The following SVIP variants were observed in gnomAD, a reference collection of about 807,000 sequenced individuals.
SVIP encodes the protein small VCP interacting protein.
SVIP carries 14 observed loss-of-function variants against 12.9 expected under a neutral mutation model. The observed-to-expected ratio is 1.08, with a 90% confidence interval of 0.72 to 1.70. The LOEUF (loss-of-function observed/expected upper bound fraction) is 1.70, where lower values mean the gene tolerates loss of function less well. Among genes scored for constraint, SVIP ranks in the 40% most tolerant of loss-of-function variants. The pLI, the probability that SVIP is intolerant of heterozygous loss-of-function variation, is 0.00. For synonymous variants in SVIP, 35 were observed against 33.3 expected, an observed-to-expected ratio of 1.05 and a Z score of -0.17; for missense variants, 93 against 90.8, an observed-to-expected ratio of 1.02 and a Z score of -0.10.
At chr11:22,826,354 A>ATGTGTGTGTG (rs368709146) in intron 3 of SVIP, among the ~76,000 whole-genome samples, 1 of 145,240 alleles carries the variant, frequency 6.9e-6, no homozygotes, top group Admixed American at 7.2e-5. Context: ...ATGTATGTGC[A>ATGTGTGTGTG]TGTGTGTGTG....
At chr11:22,827,993 G>T in intron 1 of SVIP, 119 bp from the exon 2 acceptor site, 1 of 671,098 alleles carries the variant, frequency 1.5e-6, no homozygotes, top group Non-Finnish European at 2.2e-6. Flanking sequence ...GGCCCTAAAT[G>T]TCCCACAAAG....
At chr11:22,825,326 T>A (rs1186493722) in intron 3 of SVIP, among the ~76,000 whole-genome samples, 2 of 152,088 alleles carry the variant, frequency 1.3e-5, no homozygotes, top group Non-Finnish European at 2.9e-5. Flanking sequence ...CCTTCCAGAA[T>A]TTTTTCACTT....
intron 3 of SVIP, among the ~76,000 whole-genome samples, chr11:22,826,917 A>G (rs1404174581): frequency 6.6e-6 from 1 of 152,132 alleles, no homozygotes; most frequent in African/African-American, 2.4e-5. Context: ...ATACTTCTCC[A>G]TATTGCTTGA....
rs552309665 is a variant in SVIP at position 22,819,482 on chromosome 11, C to G, written c.*3637G>C. 1 of 152,256 alleles carries G rather than the reference C, an allele frequency of 6.6e-6. No individual in the cohort carries two copies. Among genetic ancestry groups the G allele is most frequent in the East Asian group, 1.9e-4 (1 of 5,176 alleles). 9.4% of individuals were successfully genotyped at this position (152,256 alleles called of 1,614,324 possible). ...CACAAATTTGGTATTATAAATATAG[C>G]CAATGCAGGCCGGGCGCGGTGGCTC... On this transcript the variant is annotated 3_prime_UTR_variant, in exon 4 of 4. Coordinates refer to ENST00000354193, the MANE Select transcript of SVIP (RefSeq NM_148893.3).
chr11:22,822,815 C>A lies in SVIP; in HGVS notation c.*304G>T. 7.3e-6 allele frequency: 2 copies of A among 272,612 alleles called. No individual in the cohort carries two copies. The highest frequency in any genetic ancestry group is 1.4e-5 in the Non-Finnish European group (2 of 144,968). 16.9% of individuals were successfully genotyped at this position (272,612 alleles called of 1,614,324 possible). ...CGAATTTTAATCTTAGAGGTATATG[C>A]AGAATGTTTACATGCAGTGTATGTA... On this transcript the variant is annotated 3_prime_UTR_variant, in exon 4 of 4. Coordinates refer to ENST00000354193, the MANE Select transcript of SVIP (RefSeq NM_148893.3).
intron 3 of SVIP, among the ~76,000 whole-genome samples, chr11:22,826,781 C>T (rs1224391258): frequency 1.3e-5 from 2 of 151,938 alleles, no homozygotes; most frequent in Admixed American, 6.6e-5. Context: ...CAAATCAATG[C>T]GTAAAAGAGC....
At chr11:22,828,046 T>C (rs182001452) in intron 1 of SVIP, among the ~76,000 whole-genome samples, 172 bp from the exon 2 acceptor site, 2 of 152,320 alleles carry the variant, frequency 1.3e-5, no homozygotes, top group Admixed American at 6.5e-5. Flanking sequence ...TCCTAATCAA[T>C]ATGCCTTCAA....
Position 22,823,640 on chromosome 11 carries a change from A to G in SVIP, c.220-507T>C, listed in dbSNP as rs537297342. ...TCAACCCCAGGCAGTTTTCCTTGGG[A>G]GACAAGCTTATAATGAATCCTAGGC... On this transcript the variant is annotated intron_variant, in intron 3 of 3. Transcript: ENST00000354193. Among the ~76,000 whole-genome samples the G allele has an allele frequency of 2.6e-5, 4 of 152,308 alleles. No homozygotes were observed. The South Asian group carries it at 8.3e-4, about 32-fold the overall frequency.
Position 22,824,470 on chromosome 11 carries a change from A to G in SVIP, c.220-1337T>C, listed in dbSNP as rs574317592. On this transcript the variant is annotated intron_variant, in intron 3 of 3. Transcript: ENST00000354193. ...CATATATATATATATACACATATAT[A>G]TACGTATATATATATGTATATATAT... Among the ~76,000 whole-genome samples the G allele has an allele frequency of 2.5e-3, 358 of 145,028 alleles. 5 individuals are homozygous for G. Among genetic ancestry groups the G allele is most frequent in the East Asian group, 0.022 (104 of 4,826 alleles).
chr11:22,825,642 A>T (rs886687427), intron 3 of SVIP, among the ~76,000 whole-genome samples: 1 of 152,166 alleles, frequency 6.6e-6, no homozygotes, highest in Non-Finnish European at 1.5e-5. Flanking sequence ...ATGGATTGTA[A>T]GTAATATAAG....
At position 22,820,809 on chromosome 11, in the gene SVIP, T is replaced by TGATTAGTATTA. The variant is rs1312224833; in HGVS notation, c.*2299_*2309dup. The TGATTAGTATTA allele has an allele frequency of 4.6e-5, 7 of 152,130 alleles. No individual in the cohort carries two copies. The highest frequency in any genetic ancestry group is 1.4e-4 in the African/African-American group (6 of 41,408). The allele number at this position is 152,130 out of a possible 1,614,324, so 9.4% of individuals were successfully genotyped here. On this transcript the variant is annotated 3_prime_UTR_variant, in exon 4 of 4. Transcript: ENST00000354193. ...AACTTTTGTTAGCAGCCGTTAAGTT[T>TGATTAGTATTA]GATTAGTATTAAGCAGCAATGGTTT...
rs1270950627 is a variant in SVIP at position 22,820,470 on chromosome 11, A to C, written c.*2649T>G. ...CAGGGATTGTATGAACACACCAAACAACCTTTGGTTCTGTTGCTCTTCTGA... is the reference window on the plus strand; with the variant it reads ...CAGGGATTGTATGAACACACCAAACCACCTTTGGTTCTGTTGCTCTTCTGA... On this transcript the variant is annotated 3_prime_UTR_variant, in exon 4 of 4. Transcript: ENST00000354193. 3 of 152,210 alleles carry C rather than the reference A, an allele frequency of 2.0e-5. No homozygotes were observed. Among genetic ancestry groups the C allele is most frequent in the Non-Finnish European group, 4.4e-5 (3 of 68,034 alleles). The allele number at this position is 152,210 out of a possible 1,614,324, so 9.4% of individuals were successfully genotyped here.
Position 22,829,750 on chromosome 11 carries a change from G to A in SVIP, c.-2C>T. On this transcript the variant is annotated 5_prime_UTR_variant, in exon 1 of 4. Transcript: ENST00000354193. ...GGGACAAGGAAAACACAGCCCCATA[G>A]GGACGACAGCTTGAGAACCCTGACC... 1 of 1,605,948 alleles carries A rather than the reference G, an allele frequency of 6.2e-7. No homozygotes were observed. Among genetic ancestry groups the A allele is most frequent in the Non-Finnish European group, 8.5e-7 (1 of 1,177,110 alleles).
rs769057657 is a variant in SVIP, at chr11:22,829,712, G to A, written c.37C>T (p.Pro13Ser). ...LCFPCPGESA[P>S]PTPDLEEKRA... Reference sequence around the variant, plus strand: ...CTACTCACCAGGTCCGGCGTGGGAGGCGCGGACTCCCCGGGACAAGGAAAA... The same window carrying A: ...CTACTCACCAGGTCCGGCGTGGGAGACGCGGACTCCCCGGGACAAGGAAAA... The change falls in exon 1 of 4, where the codon CCT becomes TCT. Residue 13 changes from proline to serine, a missense_variant. Transcript: ENST00000354193. The A allele has an allele frequency of 1.1e-5, 17 of 1,605,860 alleles. No homozygotes were observed. Among genetic ancestry groups the A allele is most frequent in the Admixed American group, 6.8e-5 (4 of 59,228 alleles).
At chr11:22,828,949 A>C (rs1423193989) in intron 1 of SVIP, among the ~76,000 whole-genome samples, 2 of 152,224 alleles carry the variant, frequency 1.3e-5, no homozygotes, top group Non-Finnish European at 1.5e-5. Flanking sequence ...AAAAGTGTAC[A>C]TGTATTGTAC....
In SVIP at chr11:22,821,757, T is replaced by G. The variant is rs906353005; in HGVS notation, c.*1362A>C. ...AAAATTGAGCCAAATTGTTATGTTT[T>G]GCCTAGATATTCACACAATATTTCA... On this transcript the variant is annotated 3_prime_UTR_variant, in exon 4 of 4. Coordinates refer to ENST00000354193, the MANE Select transcript of SVIP (RefSeq NM_148893.3). 7.9e-5 allele frequency: 12 copies of G among 152,216 alleles called. No homozygotes were observed. The highest frequency in any genetic ancestry group is 2.9e-5 in the Non-Finnish European group (2 of 68,042). 9.4% of individuals were successfully genotyped at this position (152,216 alleles called of 1,614,324 possible).
In SVIP at chr11:22,823,075, A is replaced by T. The variant is rs1330324596; in HGVS notation, c.*44T>A. The T allele has an allele frequency of 1.3e-6, 2 of 1,521,934 alleles. No individual in the cohort carries two copies. The highest frequency in any genetic ancestry group is 4.5e-5 in the East Asian group (2 of 44,002). The allele number at this position is 1,521,934 out of a possible 1,614,324, so 94.3% of individuals were successfully genotyped here. On this transcript the variant is annotated 3_prime_UTR_variant, in exon 4 of 4. Coordinates refer to ENST00000354193, the MANE Select transcript of SVIP (RefSeq NM_148893.3). ...TGATGAAGCCCACTTGATTGCAGAT[A>T]ATAAACAGTTATTGGCAGTAGATTC...
intron 3 of SVIP, among the ~76,000 whole-genome samples, chr11:22,824,795 A>G (rs574280656): frequency 6.6e-6 from 1 of 152,202 alleles, no homozygotes; most frequent in African/African-American, 2.4e-5. Flanking sequence ...GAAGCTTAAA[A>G]CAGTCCTGAT....
rs1330338297 is a variant in SVIP, at chr11:22,821,619, C to T, written c.*1500G>A. The T allele has an allele frequency of 2.0e-5, 3 of 152,160 alleles. No homozygotes were observed. The highest frequency in any genetic ancestry group is 7.2e-5 in the African/African-American group (3 of 41,446). The allele number at this position is 152,160 out of a possible 1,614,324, so 9.4% of individuals were successfully genotyped here. A position where few individuals can be genotyped will look rare whatever the true frequency, so the allele number is the denominator to read the frequency against. On this transcript the variant is annotated 3_prime_UTR_variant, in exon 4 of 4. Coordinates refer to ENST00000354193, the MANE Select transcript of SVIP (RefSeq NM_148893.3). The stretch of plus-strand genomic sequence containing the variant: ...ACTCCGCTATCAATCATTCCTTTTA[C>T]TTTCTGCCTTGAAAAAATCATTTTA...
Sources: allele counts gnomAD v4.1 joint callset (sites outside exome capture counted in the v4.1 genomes callset), GRCh38; gene constraint gnomAD v4.1.1; transcripts MANE v1.5; gene names NCBI Gene and HGNC (gene_info 2026-07-23, HGNC 2026-07-21).